PDE4D: variants seen among roughly 807,000 people sequenced by gnomAD.
PDE4D encodes the protein 3',5'-cyclic-AMP phosphodiesterase 4D.
Under a neutral mutation model 87.4 loss-of-function variants are expected in PDE4D, and 24 were observed. That is an observed-to-expected ratio of 0.27 (90% CI 0.20 to 0.39). The LOEUF (loss-of-function observed/expected upper bound fraction) is 0.39, where lower values mean the gene tolerates loss of function less well. Ranked by LOEUF, PDE4D falls within the 10% of genes least tolerant of loss-of-function variation. The pLI is 1.00. For synonymous variants in PDE4D, 384 were observed against 383.2 expected (o/e 1.00, Z -0.02); for missense variants, 714 against 1,041.0 (o/e 0.69, Z 4.32).
intron 1 of PDE4D, among the ~76,000 whole-genome samples, chr5:60,315,000 C>G (rs1446472521): frequency 6.6e-6 from 1 of 152,044 alleles, no homozygotes; most frequent in East Asian, 1.9e-4. Context: ...GGGTATATAC[C>G]CAGTAAGGGA....
At chr5:60,088,623 C>A (rs996282082) in intron 2 of PDE4D, among the ~76,000 whole-genome samples, 3 of 151,532 alleles carry the variant, frequency 2.0e-5, no homozygotes, top group African/African-American at 7.3e-5. Context: ...TTTTTATAAG[C>A]CTTGTAGTAA....
intron 1 of PDE4D, among the ~76,000 whole-genome samples, chr5:59,238,641 C>T (rs1193711350): frequency 6.6e-6 from 1 of 152,076 alleles, no homozygotes; most frequent in African/African-American, 2.4e-5. Context: ...AGAAAGAGTG[C>T]CATCTTTTAG....
chr5:59,919,993 T>A (rs900403399), intron 3 of PDE4D, among the ~76,000 whole-genome samples: 1 of 152,216 alleles, frequency 6.6e-6, no homozygotes, highest in Non-Finnish European at 1.5e-5. Flanking sequence ...ACAAAAGATA[T>A]AAGTATGAAA....
At chr5:60,221,751 A>C (rs549208194) in intron 1 of PDE4D, among the ~76,000 whole-genome samples, 1 of 152,216 alleles carries the variant, frequency 6.6e-6, no homozygotes, top group African/African-American at 2.4e-5. Flanking sequence ...AATATTTCTG[A>C]AATTTATTAA....
At chr5:59,345,421 G>A (rs1779452481) in intron 1 of PDE4D, among the ~76,000 whole-genome samples, 1 of 152,112 alleles carries the variant, frequency 6.6e-6, no homozygotes, top group South Asian at 2.1e-4. Context: ...AATGAATCTG[G>A]ATAAAATGTA....
chr5:59,320,458 C>T (rs1403735087), intron 1 of PDE4D, among the ~76,000 whole-genome samples: 5 of 151,994 alleles, frequency 3.3e-5, no homozygotes, highest in Admixed American at 3.3e-4. Context: ...GAAACCCATA[C>T]ACAGGAGGAA....
chr5:59,783,813 C>T (rs1246404942), intron 1 of PDE4D, among the ~76,000 whole-genome samples: 2 of 152,108 alleles, frequency 1.3e-5, no homozygotes, highest in Non-Finnish European at 2.9e-5. Context: ...ACACCTGTAA[C>T]CCCAGCACTT....
chr5:59,723,770 A>AAT (rs1756198928), intron 1 of PDE4D, among the ~76,000 whole-genome samples: 1 of 152,186 alleles, frequency 6.6e-6, no homozygotes, highest in Non-Finnish European at 1.5e-5. Context: ...TGTCCAAACT[A>AAT]ATATTGAATG....
In PDE4D at chr5:60,045,724, G is replaced by C. The variant is rs374398626; in HGVS notation, c.43-57007C>G. ...TCTGTTCTGTTCCATTGATCTATAT[G>C]TCTGTTTTGGTACCAGTACCATGCT... On this transcript the variant is annotated intron_variant, in intron 2 of 16. Transcript: ENST00000502484. 3.3e-3 allele frequency among the ~76,000 whole-genome samples: 498 copies of C among 152,174 alleles called. 1 individual carries two copies. Among genetic ancestry groups the C allele is most frequent in the African/African-American group, 0.011 (462 of 41,530 alleles).
intron 1 of PDE4D, among the ~76,000 whole-genome samples, chr5:60,324,335 A>G (rs1267218983): frequency 6.6e-6 from 1 of 152,244 alleles, no homozygotes; most frequent in African/African-American, 2.4e-5. Context: ...ATAATAAACT[A>G]GGAGCATCTC....
At chr5:60,158,221 T>C (rs948691599) in intron 2 of PDE4D, among the ~76,000 whole-genome samples, 2 of 152,188 alleles carry the variant, frequency 1.3e-5, no homozygotes, top group Admixed American at 6.5e-5. Context: ...CAAACCTAGA[T>C]GGTATAGCCT....
Position 59,471,089 on chromosome 5 carries a change from A to G in PDE4D, c.456-255121T>C, listed in dbSNP as rs1357137613. Among the ~76,000 whole-genome samples the G allele has an allele frequency of 1.3e-4, 20 of 152,128 alleles. 1 individual carries two copies. The highest frequency in any genetic ancestry group is 1.3e-3 in the Admixed American group (20 of 15,262). ...AGACCCTGTCTCTACTAAAAATTAAAAAATACATAGCCAGGAATGGTGGCA... is the reference window on the plus strand; with the variant it reads ...AGACCCTGTCTCTACTAAAAATTAAGAAATACATAGCCAGGAATGGTGGCA... On this transcript the variant is annotated intron_variant, in intron 1 of 14. Coordinates refer to ENST00000340635, the MANE Select transcript of PDE4D (RefSeq NM_001104631.2).
At position 59,072,019 on chromosome 5, in the gene PDE4D, C is replaced by A. The variant is rs530172477; in HGVS notation, c.809-33048G>T. Reference sequence around the variant, plus strand: ...CTGTACTTTGAAGTTGGTCTTTTTCCATTTGTTTTGGTTTCTTTCACTTAC... The same window carrying A: ...CTGTACTTTGAAGTTGGTCTTTTTCAATTTGTTTTGGTTTCTTTCACTTAC... On this transcript the variant is annotated intron_variant, in intron 5 of 14. Coordinates refer to ENST00000340635, the MANE Select transcript of PDE4D (RefSeq NM_001104631.2). Among the ~76,000 whole-genome samples the A allele has an allele frequency of 1.6e-3, 243 of 152,142 alleles. 1 individual carries two copies. The highest frequency in any genetic ancestry group is 2.7e-3 in the Non-Finnish European group (184 of 67,988).
rs148456733 is a variant in PDE4D, at chr5:60,458,478, G to A, written c.-90+29464C>T. On this transcript the variant is annotated intron_variant, in intron 1 of 16. Transcript: ENST00000502484. ...TATTCGCAGCATTTTGGAATGACAC[G>A]TCTCCCTCTCCTGGCTTCATTATAC... is the stretch of plus-strand genomic sequence containing the variant. 4.2e-3 allele frequency among the ~76,000 whole-genome samples: 626 copies of A among 150,642 alleles called. 6 individuals are homozygous for A. Among genetic ancestry groups the A allele is most frequent in the African/African-American group, 0.015 (597 of 40,966 alleles).
intron 1 of PDE4D, among the ~76,000 whole-genome samples, chr5:60,252,597 G>A (rs573533511): frequency 6.6e-6 from 1 of 151,840 alleles, no homozygotes; most frequent in Non-Finnish European, 1.5e-5. Flanking sequence ...AGGGGTATGG[G>A]CTGATAATGA....
intron 5 of PDE4D, among the ~76,000 whole-genome samples, chr5:59,156,342 T>TGG: frequency 8.5e-6 from 1 of 117,748 alleles, no homozygotes; most frequent in African/African-American, 2.8e-5. Flanking sequence ...TGTGTGTGTG[T>TGG]GTGTGTGTGT....
At chr5:60,309,875 G>A (rs1337380886) in intron 1 of PDE4D, among the ~76,000 whole-genome samples, 1 of 152,184 alleles carries the variant, frequency 6.6e-6, no homozygotes, top group Non-Finnish European at 1.5e-5. Context: ...TAGATACTAT[G>A]TAAGACATGT....
intron 5 of PDE4D, among the ~76,000 whole-genome samples, chr5:59,117,094 A>G (rs1174716303): frequency 1.3e-5 from 2 of 152,178 alleles, no homozygotes; most frequent in Non-Finnish European, 2.9e-5. Context: ...ACGTTTAGCC[A>G]CTAATTTCTT....
intron 5 of PDE4D, among the ~76,000 whole-genome samples, chr5:59,143,479 C>T (rs868693216): frequency 5.3e-5 from 8 of 152,148 alleles, no homozygotes; most frequent in African/African-American, 1.4e-4. Context: ...TCAGCTGCAC[C>T]GCTTACTGTG....
Sources: allele counts gnomAD v4.1 joint callset (sites outside exome capture counted in the v4.1 genomes callset), GRCh38; gene constraint gnomAD v4.1.1; transcripts MANE v1.5; gene names NCBI Gene and HGNC (gene_info 2026-07-23, HGNC 2026-07-21).